TMEM272: variants seen among roughly 807,000 people sequenced by gnomAD.
TMEM272 encodes the protein long intergenic non-protein coding RNA 282.
A neutral mutation model predicts 3.7 loss-of-function variants in TMEM272; 8 were observed. That is an observed-to-expected ratio of 2.17 (90% confidence interval 1.27 to 3.91). The LOEUF (loss-of-function observed/expected upper bound fraction) is 3.91. Ranked by LOEUF, TMEM272 falls within the 30% of genes most tolerant of loss-of-function variation. The probability of loss-of-function intolerance (pLI) is 0.00; values close to 1 mark genes in which losing one functional copy is unlikely to be tolerated. For synonymous variants in TMEM272, 63 were observed against 39.8 expected (o/e 1.58, Z -2.20); for missense variants, 166 against 91.5 (o/e 1.81, Z -3.32).
chr13:51,818,441 A>G (rs1956052935), intron 4 of TMEM272, among the ~76,000 whole-genome samples: 1 of 152,190 alleles, frequency 6.6e-6, no homozygotes, highest in Non-Finnish European at 1.5e-5. Context: ...CAGAGCCTGG[A>G]GGTGAACAGA....
At chr13:51,892,348 A>G in the TMEM272 span, among the ~76,000 whole-genome samples, 1 of 152,168 alleles carries the variant, frequency 6.6e-6, no homozygotes, top group African/African-American at 2.4e-5. Context: ...ATCTCATCTC[A>G]GCCTGGAACA....
chr13:51,918,791 AT>A, the TMEM272 span, among the ~76,000 whole-genome samples: 1 of 144,464 alleles, frequency 6.9e-6, no homozygotes, highest in Non-Finnish European at 1.5e-5. Flanking sequence ...TGCCTGGCTA[AT>A]TTTTGAAATT....
the TMEM272 span, among the ~76,000 whole-genome samples, chr13:51,885,824 T>C: frequency 3.3e-5 from 5 of 152,290 alleles, no homozygotes; most frequent in South Asian, 1.0e-3. Context: ...ATGACCACAT[T>C]ACCAAACCAC....
chr13:51,899,645 C>T, the TMEM272 span, among the ~76,000 whole-genome samples: 2 of 152,164 alleles, frequency 1.3e-5, no homozygotes, highest in Non-Finnish European at 2.9e-5. Context: ...AATTGACAAA[C>T]TGACCCTAAA....
At chr13:51,846,726 G>C (rs936259794), upstream of TMEM272, among the ~76,000 whole-genome samples, 2 of 152,160 alleles carry the variant, frequency 1.3e-5, no homozygotes, top group African/African-American at 4.8e-5. Context: ...ATGGAAGATA[G>C]TGATATTGAT....
chr13:51,865,841 G>A, the TMEM272 span: 5 of 1,614,048 alleles, frequency 3.1e-6, no homozygotes, highest in Non-Finnish European at 4.2e-6. Flanking sequence ...GGAGGACAAG[G>A]CCCTGTGGGA....
the TMEM272 span, among the ~76,000 whole-genome samples, chr13:51,873,065 C>A: frequency 1.3e-5 from 2 of 152,106 alleles, no homozygotes; most frequent in African/African-American, 4.8e-5. Flanking sequence ...CAGGCAGAAC[C>A]CCAGTCCAGA....
chr13:51,848,290 T>A (rs921885531), upstream of TMEM272, among the ~76,000 whole-genome samples: 5 of 152,098 alleles, frequency 3.3e-5, no homozygotes, highest in African/African-American at 9.7e-5. Flanking sequence ...ATGAGTAGCA[T>A]AAGGTACAGA....
chr13:51,867,828 G>A, the TMEM272 span, among the ~76,000 whole-genome samples: 1 of 152,126 alleles, frequency 6.6e-6, no homozygotes, highest in Non-Finnish European at 1.5e-5. Flanking sequence ...TTTCAAGAGG[G>A]CTGCCAGGGG....
the TMEM272 span, among the ~76,000 whole-genome samples, chr13:51,884,148 C>T: frequency 6.6e-6 from 1 of 152,134 alleles, no homozygotes; most frequent in Non-Finnish European, 1.5e-5. Flanking sequence ...CACCCTCAGG[C>T]CAGAATTCTA....
the TMEM272 span, among the ~76,000 whole-genome samples, chr13:51,868,162 T>C: frequency 6.6e-6 from 1 of 152,364 alleles, no homozygotes; most frequent in South Asian, 2.1e-4. Context: ...CTTATGTATT[T>C]ATTCATCACC....
At chr13:51,853,295 A>C in the TMEM272 span, among the ~76,000 whole-genome samples, 1 of 152,172 alleles carries the variant, frequency 6.6e-6, no homozygotes, top group Non-Finnish European at 1.5e-5. Context: ...CAGTAGTCCC[A>C]GCTACTTGGG....
chr13:51,924,230 CACT>C, the TMEM272 span, among the ~76,000 whole-genome samples: 16 of 152,060 alleles, frequency 1.1e-4, no homozygotes, highest in Non-Finnish European at 1.9e-4. Flanking sequence ...TCTCCTCCCC[CACT>C]GTTTAAAACA....
chr13:51,908,997 A>C, the TMEM272 span: 3 of 1,447,888 alleles, frequency 2.1e-6, no homozygotes, highest in Non-Finnish European at 2.9e-6. Context: ...TGAGAGTCTC[A>C]GTGGACCCTC....
intron 4 of TMEM272, among the ~76,000 whole-genome samples, chr13:51,820,860 T>C (rs1271767470): frequency 6.6e-6 from 1 of 152,168 alleles, no homozygotes; most frequent in African/African-American, 2.4e-5. Context: ...ATGGGGATGA[T>C]TGTGTGTACT....
chr13:51,865,459 G>T, the TMEM272 span: 2 of 1,614,040 alleles, frequency 1.2e-6, no homozygotes, highest in Non-Finnish European at 1.7e-6. Context: ...CCTGCTTCCG[G>T]TCCCTGGCGG....
the TMEM272 span, among the ~76,000 whole-genome samples, chr13:51,863,186 C>G: frequency 7.9e-5 from 12 of 152,190 alleles, no homozygotes; most frequent in African/African-American, 2.9e-4. Context: ...GAATAGAGCC[C>G]GTTAATACTG....
At chr13:51,821,976 G>A in intron 4 of TMEM272, 79 bp downstream of exon 4, 1 of 701,022 alleles carries the variant, frequency 1.4e-6, no homozygotes, top group South Asian at 1.5e-5. Context: ...GTGAATAGCA[G>A]GCAAATAACA....
chr13:51,816,691 G>T lies in TMEM272; in HGVS notation c.*60C>A, dbSNP rs376656122. On this transcript the variant is annotated 3_prime_UTR_variant, in exon 5 of 5. Coordinates refer to ENST00000629372, the MANE Select transcript of TMEM272 (RefSeq NM_001351003.2). ...TGTGTGTGTGTGCGTCTGTGTGTCT[G>T]TGTGCACGCGCGTGCATGCACACGC... is the stretch of plus-strand genomic sequence containing the variant. The T allele has an allele frequency of 1.0e-3, 659 of 643,444 alleles. 5 individuals are homozygous for T. The highest frequency in any genetic ancestry group is 7.0e-3 in the Middle Eastern group (19 of 2,732). The allele number at this position is 643,444 out of a possible 1,614,324, so 39.9% of individuals were successfully genotyped here.
Sources: gnomAD v4.1 joint callset for allele counts (sites outside exome capture counted in the v4.1 genomes callset) on GRCh38, gnomAD v4.1.1 for gene constraint, MANE v1.5 for transcripts, NCBI Gene and HGNC (gene_info 2026-07-23, HGNC 2026-07-21) for gene names.